SGIP1: variants seen among roughly 807,000 people sequenced by gnomAD.
The protein encoded by SGIP1 is SH3GL interacting endocytic adaptor 1, also known as SH3-containing GRB2-like protein 3-interacting protein 1.
A neutral mutation model predicts 107.5 loss-of-function variants in SGIP1; 38 were observed. That is an observed-to-expected ratio of 0.35 (90% CI 0.27 to 0.46). The LOEUF is 0.46. Among genes scored for constraint, SGIP1 ranks in the 20% least tolerant of loss-of-function variants. The pLI is 1.00. For missense variants in SGIP1, 929 were observed against 1,019.5 expected (o/e 0.91, Z 1.21); for synonymous variants, 365 against 366.1 (o/e 1.00, Z 0.03).
intron 9 of SGIP1, among the ~76,000 whole-genome samples, chr1:66,669,658 T>C (rs1457765734): frequency 6.6e-6 from 1 of 152,234 alleles, no homozygotes; most frequent in African/African-American, 2.4e-5. Context: ...TACATGGCCA[T>C]ATTTATTAGA....
intron 1 of SGIP1, among the ~76,000 whole-genome samples, chr1:66,605,007 T>A (rs1001234072): frequency 6.6e-6 from 1 of 152,196 alleles, no homozygotes; most frequent in African/African-American, 2.4e-5. Flanking sequence ...TCTCCTTATG[T>A]CTAGTCTTTG....
chr1:66,741,860 C>T (rs1335952727), intron 24 of SGIP1, among the ~76,000 whole-genome samples: 7 of 151,784 alleles, frequency 4.6e-5, no homozygotes, highest in African/African-American at 1.5e-4. Flanking sequence ...CTCTGCCTCC[C>T]GGGTTCACGC....
chr1:66,683,676 C>A (rs2087347760), intron 15 of SGIP1, among the ~76,000 whole-genome samples: 1 of 128,040 alleles, frequency 7.8e-6, no homozygotes, highest in South Asian at 3.2e-4. Flanking sequence ...ATCCTGGGCA[C>A]CACACTGTTT....
At chr1:66,578,868 T>G (rs542162685) in intron 1 of SGIP1, among the ~76,000 whole-genome samples, 1 of 152,218 alleles carries the variant, frequency 6.6e-6, no homozygotes, top group Non-Finnish European at 1.5e-5. Flanking sequence ...GTGGGGTATG[T>G]CCATGTTGGT....
At chr1:66,545,427 T>C (rs2056148294) in intron 1 of SGIP1, among the ~76,000 whole-genome samples, 1 of 152,352 alleles carries the variant, frequency 6.6e-6, no homozygotes, top group South Asian at 2.1e-4. Flanking sequence ...ATGAGAGCAC[T>C]AGCTTTGGAG....
intron 2 of SGIP1, 104 bp downstream of exon 2, chr1:66,626,014 C>A: frequency 1.4e-6 from 1 of 732,492 alleles, no homozygotes; most frequent in Non-Finnish European, 2.2e-6. Flanking sequence ...ATATTGTGTA[C>A]TATTTGCTTT....
intron 1 of SGIP1, among the ~76,000 whole-genome samples, chr1:66,588,261 A>T (rs1193229921): frequency 1.3e-5 from 2 of 151,522 alleles, no homozygotes; most frequent in African/African-American, 4.9e-5. Flanking sequence ...CTCCTTGAAA[A>T]CATCAGAGTA....
intron 1 of SGIP1, among the ~76,000 whole-genome samples, chr1:66,582,029 C>T (rs1207091689): frequency 2.6e-5 from 4 of 151,982 alleles, no homozygotes; most frequent in African/African-American, 4.8e-5. Flanking sequence ...TCTTACCTCA[C>T]AAAAAGAAGG....
intron 17 of SGIP1, chr1:66,694,585 A>G (rs1243420285): frequency 5.3e-6 from 6 of 1,133,106 alleles, no homozygotes; most frequent in Non-Finnish European, 7.3e-6. Context: ...TATAAACTTC[A>G]TGGACATGCC....
chr1:66,746,311 T>C lies in SGIP1; in HGVS notation c.*3216T>C, dbSNP rs1426067684. 6.6e-6 allele frequency: 1 copy of C among 152,152 alleles called. No homozygotes were observed. Among genetic ancestry groups the C allele is most frequent in the Non-Finnish European group, 1.5e-5 (1 of 67,982 alleles). The allele number at this position is 152,152 out of a possible 1,614,324, so 9.4% of individuals were successfully genotyped here. ...TTTCTTAACAGCAGGGCTTTTTTTC[T>C]AATAAAATTGCACATGGAATCCTGG... is the stretch of plus-strand genomic sequence containing the variant. On this transcript the variant is annotated 3_prime_UTR_variant, in exon 25 of 25. Coordinates refer to ENST00000371037, the MANE Select transcript of SGIP1 (RefSeq NM_032291.4).
At chr1:66,669,509 G>C (rs2083303421) in intron 9 of SGIP1, among the ~76,000 whole-genome samples, 1 of 152,148 alleles carries the variant, frequency 6.6e-6, no homozygotes, top group Non-Finnish European at 1.5e-5. Context: ...TCTTATTAAT[G>C]AAATTCTATC....
chr1:66,717,986 G>A (rs564423268), intron 18 of SGIP1, among the ~76,000 whole-genome samples: 8 of 152,208 alleles, frequency 5.3e-5, no homozygotes, highest in Admixed American at 4.6e-4. Context: ...CTGATACATA[G>A]TAGATATTAG....
At chr1:66,542,538 G>A (rs1571046423) in intron 1 of SGIP1, among the ~76,000 whole-genome samples, 1 of 152,152 alleles carries the variant, frequency 6.6e-6, no homozygotes, top group East Asian at 1.9e-4. Flanking sequence ...CGACTACTAA[G>A]TGACTAAGAG....
chr1:66,592,885 TTTC>T (rs1242065826), intron 1 of SGIP1, among the ~76,000 whole-genome samples: 94 of 146,084 alleles, frequency 6.4e-4, no homozygotes, highest in African/African-American at 2.0e-3. Flanking sequence ...TCCTTCTTTC[TTTC>T]TTCTTCTTCT....
rs113228507 is a variant in SGIP1 at position 66,565,532 on chromosome 1, A to G, written c.10+31164A>G. 9.0e-3 allele frequency among the ~76,000 whole-genome samples: 1,366 copies of G among 152,128 alleles called. 9 individuals are homozygous for G. Among genetic ancestry groups the G allele is most frequent in the African/African-American group, 0.031 (1,279 of 41,534 alleles). ...GATTAATTGGGGACAATAGAGCTATACATGAAAACGATGAGGCAGTAAAAA... is the reference window on the plus strand; with the variant it reads ...GATTAATTGGGGACAATAGAGCTATGCATGAAAACGATGAGGCAGTAAAAA... On this transcript the variant is annotated intron_variant, in intron 1 of 24. Coordinates refer to ENST00000371037, the MANE Select transcript of SGIP1 (RefSeq NM_032291.4).
intron 7 of SGIP1, 112 bp from the exon 8 acceptor site, chr1:66,660,401 C>T (rs1009776379): frequency 2.1e-5 from 21 of 983,514 alleles, no homozygotes; most frequent in South Asian, 1.2e-4. Flanking sequence ...GCAGTGCCTT[C>T]GAGAGCTCCC....
In SGIP1 at chr1:66,673,029, T is replaced by C. The variant is rs2084219729; in HGVS notation, c.561-252T>C. On this transcript the variant is annotated intron_variant, in intron 11 of 24. Transcript: ENST00000371037. ...GTTATTCTCCTTCAACTTATTTCTA[T>C]TGGGTGAGCACCTCAGCTCTCCATT... Among the ~76,000 whole-genome samples, 3 of 152,180 alleles carry C rather than the reference T, an allele frequency of 2.0e-5. No individual in the cohort carries two copies. The South Asian group carries it at 6.2e-4, about 32-fold the overall frequency.
intron 6 of SGIP1, among the ~76,000 whole-genome samples, chr1:66,643,247 T>C (rs1260043641): frequency 6.6e-6 from 1 of 152,208 alleles, no homozygotes; most frequent in Non-Finnish European, 1.5e-5. Flanking sequence ...CCTCTCTCTG[T>C]AGATGAGTAA....
intron 8 of SGIP1, chr1:66,665,758 A>G (rs373078175): frequency 6.6e-6 from 1 of 152,252 alleles, no homozygotes; most frequent in African/African-American, 2.4e-5. Flanking sequence ...TATTGGCTGC[A>G]TAAATGTCTT....
Sources: allele counts gnomAD v4.1 joint callset (sites outside exome capture counted in the v4.1 genomes callset), GRCh38; gene constraint gnomAD v4.1.1; transcripts MANE v1.5; gene names NCBI Gene and HGNC (gene_info 2026-07-23, HGNC 2026-07-21).